C3orf20: variants seen among roughly 807,000 people sequenced by gnomAD.
C3orf20 encodes uncharacterized protein C3orf20.
A neutral mutation model predicts 88.3 loss-of-function variants in C3orf20; 76 were observed. That is an observed-to-expected ratio of 0.86 (90% CI 0.72 to 1.04). The LOEUF is 1.04. C3orf20 is among the 50% of genes least tolerant of loss of function. The probability of loss-of-function intolerance (pLI) is 0.00; values close to 1 mark genes in which losing one functional copy is unlikely to be tolerated. For missense variants in C3orf20, 1,056 were observed against 1,123.3 expected (o/e 0.94, Z 0.86); for synonymous variants, 436 against 437.4 (o/e 1.00, Z 0.04).
chr3:14,702,725 G>A (rs981879322), intron 5 of C3orf20, among the ~76,000 whole-genome samples: 1 of 152,124 alleles, frequency 6.6e-6, no homozygotes. Context: ...ACAGGCACGA[G>A]CCACCATGCC....
intron 7 of C3orf20, among the ~76,000 whole-genome samples, chr3:14,709,295 A>T (rs1328895001): frequency 6.6e-6 from 1 of 152,182 alleles, no homozygotes; most frequent in Non-Finnish European, 1.5e-5. Flanking sequence ...ATATAAAATC[A>T]TGTCATCTGC....
rs768729432 is a variant in C3orf20 at position 14,772,207 on chromosome 3, T to C, written c.2630+6T>C. The C allele has an allele frequency of 3.7e-6, 6 of 1,614,212 alleles. No individual in the cohort carries two copies. The highest frequency in any genetic ancestry group is 3.4e-6 in the Non-Finnish European group (4 of 1,180,040). ...TTATCTCTGGAGGCTGAGAAGTAGG[T>C]GACCACATCAGCTGCCAGAATGGGC... On this transcript the variant is annotated splice_donor_region_variant and intron_variant, in intron 16 of 16. Coordinates refer to ENST00000253697, the MANE Select transcript of C3orf20 (RefSeq NM_032137.5). The surrounding 1 kb of genome is among the most constrained non-coding windows in gnomAD (Gnocchi z 4.2).
chr3:14,691,207 C>T (rs891167107), intron 5 of C3orf20, among the ~76,000 whole-genome samples: 2 of 152,204 alleles, frequency 1.3e-5, no homozygotes, highest in African/African-American at 4.8e-5. Flanking sequence ...GTAGCTTCAG[C>T]GGCCGCCACA....
At chr3:14,747,858 A>G (rs2035102218) in intron 12 of C3orf20, among the ~76,000 whole-genome samples, 1 of 151,948 alleles carries the variant, frequency 6.6e-6, no homozygotes, top group South Asian at 2.1e-4. Flanking sequence ...TATTTTCTAT[A>G]AACAATTTTT....
intron 12 of C3orf20, among the ~76,000 whole-genome samples, chr3:14,738,815 G>GTTTTTTTTTTT (rs71038433): frequency 2.0e-5 from 2 of 97,768 alleles, no homozygotes; most frequent in Admixed American, 1.2e-4. Context: ...TAATTTTTTT[G>GTTTTTTTTTTT]TTTTTTTTTT....
intron 15 of C3orf20, 146 bp from the exon 16 acceptor site, chr3:14,771,921 C>G: frequency 2.0e-6 from 2 of 1,015,484 alleles, no homozygotes; most frequent in Non-Finnish European, 2.9e-6. Context: ...TCACTGGGTC[C>G]CCAAGGAGGT....
At position 14,759,989 on chromosome 3, in the gene C3orf20, G is replaced by C. The variant is rs773785493; in HGVS notation, c.2343G>C (p.Gly781=). 1 of 1,613,734 alleles carries C rather than the reference G, an allele frequency of 6.2e-7. No individual in the cohort carries two copies. The highest frequency in any genetic ancestry group is 8.5e-7 in the Non-Finnish European group (1 of 1,179,622). The change falls in exon 14 of 17, where the codon GGG becomes GGC. Residue 781 remains glycine (G), a synonymous_variant. Coordinates refer to ENST00000253697, the MANE Select transcript of C3orf20 (RefSeq NM_032137.5). ...TGAAGAAGAACTCTGTGGTGCAGGGGATGATTCTGGTGAGCCAGCAGGGAC... is the reference window on the plus strand; with the variant it reads ...TGAAGAAGAACTCTGTGGTGCAGGGCATGATTCTGGTGAGCCAGCAGGGAC... The part of the protein sequence containing the change: ...LMVKKNSVVQ[G]MILMFAGGKL...
intron 9 of C3orf20, 133 bp from the exon 10 acceptor site, chr3:14,721,520 C>A: frequency 7.8e-7 from 1 of 1,285,026 alleles, no homozygotes; most frequent in Non-Finnish European, 1.1e-6. Flanking sequence ...GGAATTCTAA[C>A]ATAAGAACTG....
intron 12 of C3orf20, among the ~76,000 whole-genome samples, chr3:14,748,942 G>C (rs1344370002): frequency 1.3e-5 from 2 of 152,128 alleles, no homozygotes; most frequent in Non-Finnish European, 2.9e-5. Context: ...TGGATCAAAT[G>C]TTCTATATGT....
chr3:14,726,789 G>C lies in C3orf20; in HGVS notation c.1567-112G>C, dbSNP rs2034364202. ...AGGTGTGTTCCAGGTAGGGGTAGGG[G>C]GGCAGGCAATAGCACATCCTCTGAA... On this transcript the variant is annotated intron_variant, in intron 10 of 16. Coordinates refer to ENST00000253697, the MANE Select transcript of C3orf20 (RefSeq NM_032137.5). 7 of 1,450,312 alleles carry C rather than the reference G, an allele frequency of 4.8e-6. No individual in the cohort carries two copies. The South Asian group carries it at 8.9e-5, about 18-fold the overall frequency. The allele number at this position is 1,450,312 out of a possible 1,614,324, so 89.8% of individuals were successfully genotyped here.
At chr3:14,676,493 A>C (rs1487280170) in intron 1 of C3orf20, among the ~76,000 whole-genome samples, 1 of 152,094 alleles carries the variant, frequency 6.6e-6, no homozygotes. Context: ...AGTTATTTTT[A>C]ATTGTTGCCT....
intron 7 of C3orf20, 94 bp from the exon 8 acceptor site, chr3:14,713,913 G>C: frequency 2.2e-6 from 3 of 1,382,800 alleles, no homozygotes; most frequent in Non-Finnish European, 3.0e-6. Flanking sequence ...GCACCAAATA[G>C]CTAACACTTT....
At chr3:14,707,445 T>TGTG (rs2033556837) in intron 7 of C3orf20, among the ~76,000 whole-genome samples, 1 of 136,374 alleles carries the variant, frequency 7.3e-6, no homozygotes, top group African/African-American at 2.8e-5. Flanking sequence ...GCATCTTTTC[T>TGTG]TGTGTGTGTG....
In C3orf20 at chr3:14,721,751, C is replaced by A; in HGVS notation, c.1533C>A (p.Asn511Lys). The part of the protein sequence containing the change: ...NETVTLTVSA[N>K]NCPHGMAYDK... Reference sequence around the variant, plus strand: ...CAGTAACACTCACTGTGTCGGCCAACAATTGTCCCCATGGAATGGCATATG... The same window carrying A: ...CAGTAACACTCACTGTGTCGGCCAAAAATTGTCCCCATGGAATGGCATATG... Residue 511 changes from asparagine to lysine, a missense_variant, in exon 10 of 17, where the codon AAC (asparagine) becomes AAA (lysine). Physicochemically the swap from Asn to Lys is moderately conservative, Grantham distance 94. Coordinates refer to ENST00000253697, the MANE Select transcript of C3orf20 (RefSeq NM_032137.5). The A allele has an allele frequency of 3.1e-6, 5 of 1,614,202 alleles. No homozygotes were observed. The highest frequency in any genetic ancestry group is 2.2e-5 in the East Asian group (1 of 44,876).
rs2032183523 is a variant in C3orf20 at position 14,683,011 on chromosome 3, C to T, written c.298C>T (p.Pro100Ser). The T allele has an allele frequency of 6.2e-7, 1 of 1,613,360 alleles. No homozygotes were observed. Among genetic ancestry groups the T allele is most frequent in the Non-Finnish European group, 8.5e-7 (1 of 1,179,656 alleles). The stretch of plus-strand genomic sequence containing the variant: ...GAAGAAGCCACTACCTCCACCACCA[C>T]CAGCACCACCACGTCCAGTGCTGCT... ...TLKKPLPPPP[P>S]APPRPVLLAT... The change falls in exon 3 of 17, where the codon CCA (proline) becomes TCA (serine). Residue 100 changes from proline (P) to serine (S), a missense_variant. Coordinates refer to ENST00000253697, the MANE Select transcript of C3orf20 (RefSeq NM_032137.5).
intron 15 of C3orf20, among the ~76,000 whole-genome samples, chr3:14,766,572 G>A (rs139808385): frequency 0.01 from 1,561 of 152,372 alleles, 9 homozygotes; most frequent in Middle Eastern, 0.017. Flanking sequence ...CAGCCGGCGA[G>A]GGGGAGGGGG....
At chr3:14,738,472 G>T (rs1482835739) in intron 12 of C3orf20, among the ~76,000 whole-genome samples, 6 of 151,604 alleles carry the variant, frequency 4.0e-5, no homozygotes, top group Non-Finnish European at 7.4e-5. Context: ...GGGACTACAG[G>T]CACCCGCCAC....
intron 12 of C3orf20, among the ~76,000 whole-genome samples, chr3:14,744,538 C>T (rs1421414310): frequency 1.3e-5 from 2 of 151,934 alleles, no homozygotes; most frequent in Admixed American, 6.5e-5. Context: ...ATCTTTTCAG[C>T]AATGCCCCAC....
chr3:14,766,335 C>A (rs1175893299), intron 15 of C3orf20, among the ~76,000 whole-genome samples: 2 of 152,236 alleles, frequency 1.3e-5, no homozygotes, highest in Middle Eastern at 3.2e-3. Flanking sequence ...AAGAGCTCAT[C>A]CTCACTCCCG....
Sources: gnomAD v4.1 joint callset for allele counts (sites outside exome capture counted in the v4.1 genomes callset) on GRCh38, gnomAD v4.1.1 for gene constraint, Gnocchi (gnomAD v3.1) non-coding constraint, MANE v1.5 for transcripts, NCBI Gene and HGNC (gene_info 2026-07-23, HGNC 2026-07-21) for gene names.